The following SLC4A7 variants were observed in gnomAD, a reference collection of about 807,000 sequenced individuals.
SLC4A7 encodes solute carrier family 4 member 7, also known as sodium bicarbonate cotransporter 3.
A neutral mutation model predicts 137.6 loss-of-function variants in SLC4A7; 51 were observed. The observed-to-expected ratio is 0.37, with a 90% CI of 0.30 to 0.47. The LOEUF (loss-of-function observed/expected upper bound fraction) is 0.47. Among genes scored for constraint, SLC4A7 ranks in the 20% least tolerant of loss-of-function variants. SLC4A7 has a pLI of 1.00. For missense variants in SLC4A7, 1,247 were observed against 1,525.4 expected (o/e 0.82, Z 3.04); for synonymous variants, 542 against 518.6 (o/e 1.05, Z -0.61).
At chr3:27,439,845 T>C (rs1345874377) in intron 3 of SLC4A7, among the ~76,000 whole-genome samples, 2 of 152,212 alleles carry the variant, frequency 1.3e-5, no homozygotes, top group Non-Finnish European at 2.9e-5. Context: ...TGATGTTGAC[T>C]ATATGGTGGT....
In SLC4A7 at chr3:27,403,233, T is replaced by TG. The variant is rs1463058239; in HGVS notation, c.2226dup (p.Ile743HisfsTer12). ...TTCTCCAAAGCCTCGTAGATGAATA[T>TG]GATGCAAATAAGGGCTGCAAAAGCC... On this transcript the variant is annotated frameshift_variant, in exon 15 of 26. Coordinates refer to ENST00000454389, the MANE Select transcript of SLC4A7 (RefSeq NM_001321103.2). LOFTEE classifies it high-confidence loss of function. 6.2e-7 allele frequency: 1 copy of TG among 1,614,020 alleles called. No homozygotes were observed. Among genetic ancestry groups the TG allele is most frequent in the Admixed American group, 1.7e-5 (1 of 60,016 alleles).
At chr3:27,410,445 G>A (rs957116178) in intron 12 of SLC4A7, among the ~76,000 whole-genome samples, 1 of 152,076 alleles carries the variant, frequency 6.6e-6, no homozygotes, top group Non-Finnish European at 1.5e-5. Context: ...CTAACATTAA[G>A]CTTTCAAATG....
intron 23 of SLC4A7, among the ~76,000 whole-genome samples, chr3:27,384,942 G>A (rs562783082): frequency 6.6e-6 from 1 of 151,786 alleles, no homozygotes; most frequent in South Asian, 2.1e-4. Context: ...CTCCATCTCA[G>A]AAGAAAAAAA....
At chr3:27,436,668 G>A (rs2056762390) in intron 4 of SLC4A7, 120 bp from the exon 5 acceptor site, 7 of 651,480 alleles carry the variant, frequency 1.1e-5, no homozygotes, top group South Asian at 3.3e-5. Context: ...AGAAAACCAC[G>A]ACCAAACACG....
intron 3 of SLC4A7, among the ~76,000 whole-genome samples, chr3:27,443,055 G>A (rs562136988): frequency 3.8e-5 from 4 of 104,094 alleles, no homozygotes; most frequent in African/African-American, 8.0e-5. Context: ...TTTTTGAGAT[G>A]GAGTTTCCCT....
intron 1 of SLC4A7, among the ~76,000 whole-genome samples, chr3:27,480,507 G>T (rs13081368): frequency 0.18 from 27,681 of 152,138 alleles, 2,932 homozygotes; most frequent in Non-Finnish European, 0.25. Context: ...AGGGGTTACA[G>T]GCATAAGCCA....
chr3:27,409,622 C>CA, intron 12 of SLC4A7, 92 bp from the exon 13 acceptor site: 1 of 891,392 alleles, frequency 1.1e-6, no homozygotes, highest in Non-Finnish European at 1.7e-6. Context: ...ACTGCTGGTG[C>CA]CTAGGTGTTT....
At chr3:27,428,249 G>A (rs1365668399) in intron 7 of SLC4A7, 1 of 154,252 alleles carries the variant, frequency 6.5e-6, no homozygotes, top group Non-Finnish European at 1.5e-5. Flanking sequence ...CTCTAGTATA[G>A]ATTTTGTTGT....
Position 27,480,226 on chromosome 3 carries a change from C to T in SLC4A7, c.60+3841G>A, listed in dbSNP as rs970541537. Among the ~76,000 whole-genome samples, 5 of 152,242 alleles carry T rather than the reference C, an allele frequency of 3.3e-5. No homozygotes were observed. In the South Asian group the frequency reaches 1.0e-3, roughly 32 times the overall value. On this transcript the variant is annotated intron_variant, in intron 1 of 25. Transcript: ENST00000454389. ...CAATTCATCAATCTAACTCAAATGT[C>T]CTACAGCTTTGTTTCATCTTGTATT...
At chr3:27,451,146 A>C (rs919864720) in intron 2 of SLC4A7, among the ~76,000 whole-genome samples, 8 of 152,048 alleles carry the variant, frequency 5.3e-5, no homozygotes, top group African/African-American at 1.9e-4. Context: ...GAGTTAAAAA[A>C]AAAAATCGTT....
At chr3:27,480,059 TAATACACCAGGTTCCTCC>T (rs1234913045) in intron 1 of SLC4A7, among the ~76,000 whole-genome samples, 3 of 151,780 alleles carry the variant, frequency 2.0e-5, no homozygotes, top group African/African-American at 7.3e-5. Context: ...CCCACTAAAA[TAATACACCAGGTTCCTCC>T]AATACCAGGT....
chr3:27,425,691 A>AG, intron 7 of SLC4A7, among the ~76,000 whole-genome samples: 1 of 151,036 alleles, frequency 6.6e-6, no homozygotes, highest in East Asian at 1.9e-4. Context: ...AAAAAAAAAA[A>AG]AAAAAAAAAA....
intron 7 of SLC4A7, among the ~76,000 whole-genome samples, chr3:27,424,753 T>C (rs560110356): frequency 2.0e-5 from 3 of 152,324 alleles, no homozygotes; most frequent in East Asian, 3.9e-4. Flanking sequence ...AGCAAGTTTT[T>C]TGCAATGAAA....
chr3:27,470,044 A>G (rs2059170103), intron 1 of SLC4A7, among the ~76,000 whole-genome samples: 1 of 152,250 alleles, frequency 6.6e-6, no homozygotes, highest in African/African-American at 2.4e-5. Flanking sequence ...TAGTGTAATT[A>G]AACATTCCAT....
At chr3:27,460,464 GAATTA>G (rs1358664666) in intron 1 of SLC4A7, among the ~76,000 whole-genome samples, 2 of 152,174 alleles carry the variant, frequency 1.3e-5, no homozygotes, top group Non-Finnish European at 2.9e-5. Flanking sequence ...TGAAGTACTA[GAATTA>G]AATACTGTAT....
rs752083073 is a variant in SLC4A7 at position 27,385,974 on chromosome 3, T to G, written c.3410A>C (p.Lys1137Thr). 3.7e-6 allele frequency: 6 copies of G among 1,609,604 alleles called. No homozygotes were observed. Among genetic ancestry groups the G allele is most frequent in the Non-Finnish European group, 5.1e-6 (6 of 1,177,568 alleles). ...ATCATCAAGCCAACTAAGTTCTCTC[T>G]TCGTGAAACACAGGTCCATGAGTTT... ...VRKLMDLCFT[K>T]RELSWLDDLM... The change falls in exon 23 of 26, where the codon AAG (lysine) becomes ACG (threonine). Residue 1137 changes from lysine (K) to threonine (T), a missense_variant. Transcript: ENST00000454389.
chr3:27,384,576 G>A (rs981029569), intron 23 of SLC4A7, among the ~76,000 whole-genome samples: 1 of 151,992 alleles, frequency 6.6e-6, no homozygotes, highest in African/African-American at 2.4e-5. Flanking sequence ...TATATATGAC[G>A]AACCTCATTC....
intron 7 of SLC4A7, among the ~76,000 whole-genome samples, chr3:27,425,284 CGATT>C (rs957486072): frequency 1.4e-5 from 2 of 142,790 alleles, no homozygotes; most frequent in African/African-American, 5.3e-5. Context: ...GCAGGAGAAT[CGATT>C]GAACCCAGGA....
At chr3:27,464,374 C>T (rs2058860233) in intron 1 of SLC4A7, among the ~76,000 whole-genome samples, 1 of 152,078 alleles carries the variant, frequency 6.6e-6, no homozygotes, top group Admixed American at 6.5e-5. Context: ...ACTGATAATT[C>T]ATTAAGGGTG....
Sources: allele counts gnomAD v4.1 joint callset (sites outside exome capture counted in the v4.1 genomes callset), GRCh38; gene constraint gnomAD v4.1.1; transcripts MANE v1.5; gene names NCBI Gene and HGNC (gene_info 2026-07-23, HGNC 2026-07-21).